The following KIAA0825 variants were observed in gnomAD, a reference collection of about 807,000 sequenced individuals.
KIAA0825 encodes the protein uncharacterized protein KIAA0825.
A neutral mutation model predicts 147.6 loss-of-function variants in KIAA0825; 119 were observed. The ratio of observed to expected loss-of-function variants is 0.81; its 90% CI spans 0.69 to 0.94. KIAA0825 has a LOEUF of 0.94. Among genes scored for constraint, KIAA0825 ranks in the 40% least tolerant of loss-of-function variants. The probability of loss-of-function intolerance (pLI) is 0.00; values close to 1 mark genes in which losing one functional copy is unlikely to be tolerated. For missense variants in KIAA0825, 1,381 were observed against 1,472.7 expected (o/e 0.94, Z 1.02); for synonymous variants, 470 against 518.1 (o/e 0.91, Z 1.26).
rs533525468 is a variant in KIAA0825 at position 94,269,674 on chromosome 5, G to A, written c.3710+114694C>T. ...GGATACAGTGAAAACAGTACTAAGA[G>A]GAAAGTTTATAGCAATAAGCAGCTA... On this transcript the variant is annotated intron_variant, in intron 20 of 20. Transcript: ENST00000682413. Among the ~76,000 whole-genome samples the A allele has an allele frequency of 3.9e-5, 6 of 151,918 alleles. No individual in the cohort carries two copies. In the South Asian group the frequency reaches 1.2e-3, roughly 32 times the overall value.
intron 5 of KIAA0825, among the ~76,000 whole-genome samples, chr5:94,516,833 G>T (rs1237761935): frequency 6.6e-6 from 1 of 151,820 alleles, no homozygotes; most frequent in Non-Finnish European, 1.5e-5. Context: ...AGGCACGGTG[G>T]CTCACACCTG....
intron 20 of KIAA0825, among the ~76,000 whole-genome samples, chr5:94,331,222 A>G (rs1473514107): frequency 6.6e-6 from 1 of 152,044 alleles, no homozygotes; most frequent in Non-Finnish European, 1.5e-5. Context: ...GAAAGAAAAG[A>G]AAGAAAACAA....
intron 20 of KIAA0825, among the ~76,000 whole-genome samples, chr5:94,362,415 G>T (rs1584255625): frequency 6.6e-6 from 1 of 152,158 alleles, no homozygotes; most frequent in Middle Eastern, 3.2e-3. Flanking sequence ...ATACAGTGAA[G>T]AAACCATCAC....
At chr5:94,546,311 G>C (rs1230660787) in intron 2 of KIAA0825, among the ~76,000 whole-genome samples, 1 of 152,116 alleles carries the variant, frequency 6.6e-6, no homozygotes, top group East Asian at 1.9e-4. Flanking sequence ...TGAAGGGAGG[G>C]TACAAACCTC....
chr5:94,330,303 CAT>C (rs1312639475), intron 20 of KIAA0825, among the ~76,000 whole-genome samples: 1 of 152,118 alleles, frequency 6.6e-6, no homozygotes, highest in African/African-American at 2.4e-5. Context: ...GCACATATAA[CAT>C]AGACCATATT....
chr5:94,274,592 G>C (rs1777137786), intron 20 of KIAA0825, among the ~76,000 whole-genome samples: 1 of 152,102 alleles, frequency 6.6e-6, no homozygotes, highest in South Asian at 2.1e-4. Context: ...ATCAGGTATG[G>C]TTCTTTTGCA....
At chr5:94,500,516 A>AT (rs1764941560) in intron 5 of KIAA0825, among the ~76,000 whole-genome samples, 1 of 152,168 alleles carries the variant, frequency 6.6e-6, no homozygotes, top group South Asian at 2.1e-4. Flanking sequence ...TATTAGCAGC[A>AT]TTAACTTAGA....
intron 20 of KIAA0825, among the ~76,000 whole-genome samples, chr5:94,267,978 A>G (rs968786234): frequency 1.1e-4 from 17 of 152,170 alleles, no homozygotes; most frequent in Non-Finnish European, 1.8e-4. Flanking sequence ...TCATTCTTTA[A>G]TGGTTTCTAT....
chr5:94,470,899 T>C (rs1459594835), intron 9 of KIAA0825, among the ~76,000 whole-genome samples: 1 of 152,330 alleles, frequency 6.6e-6, no homozygotes, highest in Admixed American at 6.5e-5. Context: ...AAAGACCATA[T>C]GATAATTAAT....
At chr5:94,314,812 C>T (rs374873375) in intron 20 of KIAA0825, among the ~76,000 whole-genome samples, 10 of 151,518 alleles carry the variant, frequency 6.6e-5, no homozygotes, top group African/African-American at 9.7e-5. Context: ...CCCAAAAGGC[C>T]GGCGTGTATA....
chr5:94,510,270 AT>A (rs898119075), intron 5 of KIAA0825, among the ~76,000 whole-genome samples: 4 of 152,192 alleles, frequency 2.6e-5, no homozygotes, highest in African/African-American at 9.6e-5. Context: ...AAAACTTCAT[AT>A]TACTTAGTCT....
rs980012947 is a variant in KIAA0825 at position 94,153,851 on chromosome 5, C to G, written c.*156G>C. On this transcript the variant is annotated 3_prime_UTR_variant, in exon 21 of 21. Coordinates refer to ENST00000682413, the MANE Select transcript of KIAA0825 (RefSeq NM_001145678.3). ...AATAAAAAAATATGTAGCACCTTATCCTTTATGTGCTGTATTCCTTTTCAG... is the reference window on the plus strand; with the variant it reads ...AATAAAAAAATATGTAGCACCTTATGCTTTATGTGCTGTATTCCTTTTCAG... 17 of 512,618 alleles carry G rather than the reference C, an allele frequency of 3.3e-5. No homozygotes were observed. In the Middle Eastern group the frequency reaches 2.0e-3, roughly 60 times the overall value. 31.8% of individuals were successfully genotyped at this position (512,618 alleles called of 1,614,324 possible).
At chr5:94,357,573 A>G (rs1272507305) in intron 20 of KIAA0825, among the ~76,000 whole-genome samples, 1 of 152,232 alleles carries the variant, frequency 6.6e-6, no homozygotes, top group Non-Finnish European at 1.5e-5. Flanking sequence ...GGATGGGTCT[A>G]GTTTGACAAT....
intron 20 of KIAA0825, among the ~76,000 whole-genome samples, chr5:94,226,715 C>A (rs1365281691): frequency 6.6e-6 from 1 of 151,836 alleles, no homozygotes; most frequent in East Asian, 1.9e-4. Context: ...AAACAAACAA[C>A]CCCATCAAAA....
chr5:94,370,689 G>A (rs748456526), intron 20 of KIAA0825, among the ~76,000 whole-genome samples: 15 of 151,992 alleles, frequency 9.9e-5, no homozygotes, highest in Non-Finnish European at 1.5e-4. Context: ...GGCAGATCAC[G>A]AGGTCAGGAG....
intron 1 of KIAA0825, chr5:94,593,536 G>T: frequency 1.7e-6 from 1 of 601,836 alleles, no homozygotes; most frequent in Non-Finnish European, 3.1e-6. Flanking sequence ...AAAGTTTTTT[G>T]TAGCATTGGG....
chr5:94,170,167 C>T (rs1257132151), intron 20 of KIAA0825, among the ~76,000 whole-genome samples: 4 of 152,054 alleles, frequency 2.6e-5, no homozygotes, highest in African/African-American at 9.7e-5. Flanking sequence ...GGCATGGTGG[C>T]GGGTGCCTGT....
At chr5:94,372,572 C>T (rs984379024) in intron 20 of KIAA0825, among the ~76,000 whole-genome samples, 1 of 152,248 alleles carries the variant, frequency 6.6e-6, no homozygotes, top group Admixed American at 6.5e-5. Context: ...AAGGCTGGAG[C>T]TGAAGCAGCT....
At chr5:94,212,813 C>T (rs1419789091) in intron 20 of KIAA0825, among the ~76,000 whole-genome samples, 2 of 152,184 alleles carry the variant, frequency 1.3e-5, no homozygotes, top group Non-Finnish European at 2.9e-5. Flanking sequence ...CCCTGAGGGA[C>T]TCACTATCTT....
Sources: gnomAD v4.1 joint callset for allele counts (sites outside exome capture counted in the v4.1 genomes callset) on GRCh38, gnomAD v4.1.1 for gene constraint, MANE v1.5 for transcripts, NCBI Gene and HGNC (gene_info 2026-07-23, HGNC 2026-07-21) for gene names.